Variants in GC observed in about 807,000 individuals in gnomAD.
GC encodes the protein vitamin D-binding protein.
In GC, 43 loss-of-function variants were observed where a neutral mutation model predicts 56.7. That is an observed-to-expected ratio of 0.76 (90% CI 0.59 to 0.98). The LOEUF (loss-of-function observed/expected upper bound fraction) is 0.98, where lower values mean the gene tolerates loss of function less well. Ranked by LOEUF, GC falls within the 50% of genes least tolerant of loss-of-function variation. GC has a pLI of 0.00. For missense variants in GC, 529 were observed against 545.9 expected (o/e 0.97, Z 0.31); for synonymous variants, 216 against 202.7 (o/e 1.07, Z -0.56).
intron 1 of GC, among the ~76,000 whole-genome samples, chr4:71,798,460 T>G (rs1743167146): frequency 6.6e-6 from 1 of 152,218 alleles, no homozygotes; most frequent in Non-Finnish European, 1.5e-5. Context: ...TTCTGTTATT[T>G]TACTGTAAAA....
intron 9 of GC, 88 bp downstream of exon 9, chr4:71,754,890 A>G (rs1358580841): frequency 6.2e-6 from 5 of 805,414 alleles, no homozygotes; most frequent in African/African-American, 3.6e-5. Context: ...GCCATAAAAA[A>G]GTAGGCAGTG....
chr4:71,799,453 A>G (rs1743195656), intron 1 of GC, among the ~76,000 whole-genome samples: 1 of 152,120 alleles, frequency 6.6e-6, no homozygotes, highest in Non-Finnish European at 1.5e-5. Flanking sequence ...TTTCTGTCTA[A>G]CCCTAGCTCA....
chr4:71,766,192 C>A (rs1301964334), intron 3 of GC, among the ~76,000 whole-genome samples: 1 of 152,166 alleles, frequency 6.6e-6, no homozygotes, highest in African/African-American at 2.4e-5. Context: ...CTTGAACCGG[C>A]TTTTGCATCA....
At chr4:71,755,953 A>C (rs1311467697) in intron 8 of GC, among the ~76,000 whole-genome samples, 1 of 152,234 alleles carries the variant, frequency 6.6e-6, no homozygotes, top group African/African-American at 2.4e-5. Flanking sequence ...TTTGTGAAAT[A>C]TTTTTATGCC....
At chr4:71,773,003 C>T (rs1275406825) in intron 1 of GC, among the ~76,000 whole-genome samples, 1 of 152,088 alleles carries the variant, frequency 6.6e-6, no homozygotes, top group Admixed American at 6.6e-5. Context: ...ATTGATTCCC[C>T]ATTCCATGGA....
intron 1 of GC, among the ~76,000 whole-genome samples, chr4:71,797,551 C>T (rs925857551): frequency 6.6e-6 from 1 of 152,150 alleles, no homozygotes; most frequent in East Asian, 1.9e-4. Flanking sequence ...GGGAAAAGTC[C>T]TTTTTTTTCC....
intron 12 of GC, among the ~76,000 whole-genome samples, chr4:71,743,463 C>T (rs1270018264): frequency 6.6e-6 from 1 of 152,138 alleles, no homozygotes; most frequent in Non-Finnish European, 1.5e-5. Flanking sequence ...AAGTACTCAG[C>T]ACTTACTCTG....
intron 1 of GC, among the ~76,000 whole-genome samples, chr4:71,790,458 G>T (rs843008): frequency 0.74 from 111,744 of 151,792 alleles, 42,455 homozygotes; most frequent in South Asian, 0.86. Context: ...TAATCTTGGA[G>T]TGTTTAGTTC....
intron 1 of GC, among the ~76,000 whole-genome samples, chr4:71,770,149 G>C (rs1285041297): frequency 6.6e-6 from 1 of 152,162 alleles, no homozygotes; most frequent in Non-Finnish European, 1.5e-5. Flanking sequence ...ATGGACAGGT[G>C]TCTGATTCAG....
chr4:71,768,402 T>C lies in GC; in HGVS notation c.160A>G (p.Ser54Gly). The C allele has an allele frequency of 6.2e-7, 1 of 1,613,472 alleles. No individual in the cohort carries two copies. The highest frequency in any genetic ancestry group is 2.2e-5 in the East Asian group (1 of 44,842). The stretch of plus-strand genomic sequence containing the variant: ...TGGCTGACCTGTTCAAACGTGCCAC[T>C]GGGAAATTTTCTACTGTACAGGACT... ...SLVLYSRKFP[S>G]GTFEQVSQLV... The change falls in exon 3 of 13, where the codon AGT (serine) becomes GGT (glycine). Residue 54 changes from serine to glycine, a missense_variant. Transcript: ENST00000273951.
chr4:71,770,406 G>T (rs1214777284), intron 1 of GC, among the ~76,000 whole-genome samples: 2 of 152,116 alleles, frequency 1.3e-5, no homozygotes, highest in African/African-American at 4.8e-5. Context: ...GAAAACCAGG[G>T]GCCCAGAGGA....
chr4:71,799,655 C>T (rs1296907498), intron 1 of GC, among the ~76,000 whole-genome samples: 1 of 152,122 alleles, frequency 6.6e-6, no homozygotes, highest in African/African-American at 2.4e-5. Context: ...TTGTGCCTAC[C>T]AGCAGACAAC....
Position 71,756,746 on chromosome 4 carries a change from C to T in GC, c.1000G>A (p.Val334Met), listed in dbSNP as rs371054565. ...ACTTTGGTGTTTCCTGGATCACACA[C>T]ATCTTTGTTTGTGGGCAACTCTACA... ...PDVELPTNKD[V>M]CDPGNTKVMD... The change falls in exon 8 of 13, where the codon GTG (valine) becomes ATG (methionine). Residue 334 changes from valine (V) to methionine (M), a missense_variant. By Grantham distance (21) the Val-to-Met change is conservative. Transcript: ENST00000273951. 7.4e-6 allele frequency: 12 copies of T among 1,613,614 alleles called. No homozygotes were observed. Among genetic ancestry groups the T allele is most frequent in the South Asian group, 1.1e-5 (1 of 91,080 alleles).
At chr4:71,757,990 T>TTGGCACTCAATACC in intron 7 of GC, 52 bp downstream of exon 7, 1 of 1,541,000 alleles carries the variant, frequency 6.5e-7, no homozygotes, top group Non-Finnish European at 8.9e-7. Context: ...CACTCAGTAC[T>TTGGCACTCAATACC]TGGCACTCAA....
At chr4:71,787,986 C>G (rs1463685317), upstream of GC, among the ~76,000 whole-genome samples, 1 of 151,822 alleles carries the variant, frequency 6.6e-6, no homozygotes, top group Non-Finnish European at 1.5e-5. Flanking sequence ...CTGAGTCCAC[C>G]TCCTCTGTGC....
rs1221451529 is a variant in GC at position 71,784,051 on chromosome 4, T to C, written c.-33A>G. The C allele has an allele frequency of 1.9e-6, 3 of 1,595,002 alleles. No individual in the cohort carries two copies. The highest frequency in any genetic ancestry group is 2.6e-6 in the Non-Finnish European group (3 of 1,168,904). On this transcript the variant is annotated 5_prime_UTR_variant, in exon 1 of 13. Coordinates refer to ENST00000273951, the MANE Select transcript of GC (RefSeq NM_000583.4). ...CCAGAGAGTCTTGCAGCACCTCCTC[T>C]CTCCTGTAGGTGACCATGTAAAAGT...
At position 71,763,442 on chromosome 4, in the gene GC, A is replaced by G. The variant is rs1290965623; in HGVS notation, c.667T>C (p.Tyr223His). 14 of 1,605,374 alleles carry G rather than the reference A, an allele frequency of 8.7e-6. No individual in the cohort carries two copies. Among genetic ancestry groups the G allele is most frequent in the Non-Finnish European group, 1.1e-5 (13 of 1,172,474 alleles). The change falls in exon 6 of 13, where the codon TAT (tyrosine) becomes CAT (histidine). Residue 223 changes from tyrosine to histidine, a missense_variant. Physicochemically the swap from Tyr to His is moderately conservative, Grantham distance 83. Coordinates refer to ENST00000273951, the MANE Select transcript of GC (RefSeq NM_000583.4). ...GATTTCTTCTCCCCATAAGCAGCAT[A>G]TTGTGAGCAGACTCTATTTGACAGA... ...TTLSNRVCSQYAAYGEKKSRL... is the reference protein window; with the variant it reads ...TTLSNRVCSQHAAYGEKKSRL...
chr4:71,788,508 A>G (rs16847036), upstream of GC, among the ~76,000 whole-genome samples: 18,025 of 151,800 alleles, frequency 0.12, 1,473 homozygotes, highest in African/African-American at 0.23. Flanking sequence ...GAGGTCTTGT[A>G]TAACAAACTG....
At chr4:71,795,023 T>C (rs59431786) in intron 1 of GC, among the ~76,000 whole-genome samples, 18,145 of 152,140 alleles carry the variant, frequency 0.12, 1,490 homozygotes, top group African/African-American at 0.23. Flanking sequence ...GTCTGAGAGA[T>C]AGTTTGTTGT....
Sources: allele counts gnomAD v4.1 joint callset (sites outside exome capture counted in the v4.1 genomes callset), GRCh38; gene constraint gnomAD v4.1.1; transcripts MANE v1.5; gene names NCBI Gene and HGNC (gene_info 2026-07-23, HGNC 2026-07-21).